Variants in SLC2A7 observed in about 807,000 individuals in gnomAD.
The protein encoded by SLC2A7 is solute carrier family 2, facilitated glucose transporter member 7.
SLC2A7 carries 50 observed loss-of-function variants against 50.5 expected under a neutral mutation model. The ratio of observed to expected loss-of-function variants is 0.99; its 90% CI spans 0.79 to 1.25. SLC2A7 has a LOEUF of 1.25. SLC2A7 is among the 50% of genes most tolerant of loss of function. SLC2A7 has a pLI of 0.00. For missense variants in SLC2A7, 683 were observed against 679.1 expected (o/e 1.01, Z -0.06); for synonymous variants, 308 against 300.4 (o/e 1.03, Z -0.26).
At chr1:9,000,443 A>AC (rs913240925), downstream of SLC2A7, among the ~76,000 whole-genome samples, 2 of 151,656 alleles carry the variant, frequency 1.3e-5, no homozygotes, top group Non-Finnish European at 2.9e-5. Flanking sequence ...ACATGGTAAA[A>AC]CCCCATCTCT....
chr1:8,998,877 CAT>C (rs1640541011), downstream of SLC2A7, among the ~76,000 whole-genome samples: 1 of 152,164 alleles, frequency 6.6e-6, no homozygotes, highest in Admixed American at 6.6e-5. Context: ...TATCTATGCT[CAT>C]GAGTGATATT....
intron 5 of SLC2A7, among the ~76,000 whole-genome samples, chr1:9,015,819 G>A (rs2124255324): frequency 6.6e-6 from 1 of 151,680 alleles, no homozygotes; most frequent in East Asian, 1.9e-4. Context: ...AATCTCCCAG[G>A]CTCATGTGAT....
chr1:9,001,174 A>C (rs1640567741), downstream of SLC2A7, among the ~76,000 whole-genome samples: 1 of 152,162 alleles, frequency 6.6e-6, no homozygotes, highest in Non-Finnish European at 1.5e-5. Context: ...CCCGCTGGAC[A>C]GGACAGGAGA....
At chr1:9,025,883 T>A (rs1011207010) in intron 1 of SLC2A7, among the ~76,000 whole-genome samples, 5 of 151,372 alleles carry the variant, frequency 3.3e-5, no homozygotes, top group Non-Finnish European at 5.9e-5. Flanking sequence ...CTGTTCCACA[T>A]GTCCTCACCC....
chr1:9,020,609 G>A (rs1302299624), intron 3 of SLC2A7, among the ~76,000 whole-genome samples: 1 of 149,404 alleles, frequency 6.7e-6, no homozygotes, highest in Admixed American at 6.7e-5. Flanking sequence ...ATGGGCAGTG[G>A]ACCAGAAAGA....
At chr1:9,003,799 A>G (rs1640610916) in intron 11 of SLC2A7, among the ~76,000 whole-genome samples, 1 of 152,132 alleles carries the variant, frequency 6.6e-6, no homozygotes, top group African/African-American at 2.4e-5. Flanking sequence ...TAGAGGTTGC[A>G]GTGAGCCAAG....
intron 1 of SLC2A7, 149 bp downstream of exon 1, chr1:9,026,146 A>G: frequency 1.2e-6 from 1 of 855,038 alleles, no homozygotes; most frequent in South Asian, 1.5e-5. Context: ...GCTTCTCCAC[A>G]TGGCTCTCCC....
intron 3 of SLC2A7, among the ~76,000 whole-genome samples, chr1:9,020,693 A>C (rs1466753798): frequency 1.5e-5 from 2 of 134,972 alleles, no homozygotes; most frequent in Non-Finnish European, 3.1e-5. Context: ...TTTTTTTGAG[A>C]TGGAGTCTTG....
downstream of SLC2A7, among the ~76,000 whole-genome samples, chr1:8,998,777 C>T (rs1377040602): frequency 6.6e-6 from 1 of 152,098 alleles, no homozygotes; most frequent in Non-Finnish European, 1.5e-5. Context: ...TCTTGCATTC[C>T]TGAGATAAAC....
rs768496924 is a variant in SLC2A7 at position 9,008,973 on chromosome 1, A to T, written c.1116+1170T>A. 8.5e-5 allele frequency among the ~76,000 whole-genome samples: 13 copies of T among 152,202 alleles called. No individual in the cohort carries two copies. The highest frequency in any genetic ancestry group is 1.8e-4 in the Non-Finnish European group (12 of 68,036). ...CTTTAATTGATTTATGAGCATCACT[A>T]ACACTGTTCGTCGCCAGGCCTTGCT... On this transcript the variant is annotated intron_variant, in intron 9 of 11. Transcript: ENST00000400906. The surrounding 1 kb of genome is among the most constrained non-coding windows in gnomAD (Gnocchi z 5.9).
intron 9 of SLC2A7, among the ~76,000 whole-genome samples, chr1:9,009,861 AT>A (rs1369766094): frequency 3.9e-5 from 6 of 152,376 alleles, no homozygotes; most frequent in Non-Finnish European, 8.8e-5. Context: ...GCATTTACGC[AT>A]TGAAGCACAT....
chr1:9,018,440 A>C (rs1444406202), intron 4 of SLC2A7, 65 bp from the exon 5 acceptor site: 2 of 1,592,658 alleles, frequency 1.3e-6, no homozygotes, highest in African/African-American at 2.7e-5. Context: ...GATGCAATTC[A>C]ATTCCGTTTC....
rs796135374 is a variant in SLC2A7 at position 9,024,856 on chromosome 1, G to C, written c.150+120C>G. The C allele has an allele frequency of 9.0e-6, 10 of 1,115,310 alleles. No homozygotes were observed. In the African/African-American group the frequency reaches 1.5e-4, roughly 17 times the overall value. The allele number at this position is 1,115,310 out of a possible 1,614,324, so 69.1% of individuals were successfully genotyped here. The stretch of plus-strand genomic sequence containing the variant: ...TAGGGCAAGCTGGCTGCTCCCAAAG[G>C]CAAGATGGTGCCTCCTACAGGCAAG... On this transcript the variant is annotated intron_variant, in intron 2 of 11. Coordinates refer to ENST00000400906, the MANE Select transcript of SLC2A7 (RefSeq NM_207420.3).
At chr1:9,018,462 G>C (rs1640864585) in intron 4 of SLC2A7, 87 bp from the exon 5 acceptor site, 3 of 1,532,880 alleles carry the variant, frequency 2.0e-6, no homozygotes, top group Admixed American at 1.9e-5. Context: ...TAATCCCGGG[G>C]CTTCTCCATG....
chr1:9,014,634 C>T (rs1402796542), intron 7 of SLC2A7, 47 bp downstream of exon 7: 1 of 1,545,130 alleles, frequency 6.5e-7, no homozygotes, highest in Non-Finnish European at 8.7e-7. Context: ...TCCATGAAGC[C>T]TGGGTCTGCT....
chr1:9,001,797 A>T (rs2124230407), downstream of SLC2A7, among the ~76,000 whole-genome samples: 2 of 151,936 alleles, frequency 1.3e-5, no homozygotes, highest in East Asian at 3.9e-4. Context: ...GAATGGTCTT[A>T]CTCCCTTGCC....
downstream of SLC2A7, among the ~76,000 whole-genome samples, chr1:9,000,355 A>G (rs1640557613): frequency 6.6e-6 from 1 of 151,524 alleles, no homozygotes; most frequent in Non-Finnish European, 1.5e-5. Flanking sequence ...ACGGTGGCTC[A>G]TGCCTGTAAT....
intron 4 of SLC2A7, among the ~76,000 whole-genome samples, chr1:9,019,007 C>T (rs568996398): frequency 7.2e-5 from 11 of 152,170 alleles, no homozygotes; most frequent in African/African-American, 2.4e-4. Context: ...CACAGTGAGG[C>T]TCTGTCTCTA....
chr1:9,015,327 T>C, intron 5 of SLC2A7, 85 bp from the exon 6 acceptor site: 1 of 1,444,104 alleles, frequency 6.9e-7, no homozygotes, highest in East Asian at 2.5e-5. Context: ...CACGCTCCTA[T>C]GTGTGAACCA....
Sources: allele counts gnomAD v4.1 joint callset (sites outside exome capture counted in the v4.1 genomes callset), GRCh38; gene constraint gnomAD v4.1.1; non-coding constraint Gnocchi (gnomAD v3.1); transcripts MANE v1.5; gene names NCBI Gene and HGNC (gene_info 2026-07-23, HGNC 2026-07-21).